The following LSR variants were observed in gnomAD, a reference collection of about 807,000 sequenced individuals.
The protein encoded by LSR is lipolysis-stimulated lipoprotein receptor.
In LSR, 44 loss-of-function variants were observed where a neutral mutation model predicts 61.8. The ratio of observed to expected loss-of-function variants is 0.71; its 90% CI spans 0.56 to 0.91. The LOEUF is 0.91. Among genes scored for constraint, LSR ranks in the 40% least tolerant of loss-of-function variants. The pLI is 0.00. For missense variants in LSR, 911 were observed against 830.5 expected, an observed-to-expected ratio of 1.10 and a Z score of -1.19; for synonymous variants, 397 against 350.6, an observed-to-expected ratio of 1.13 and a Z score of -1.48.
In LSR at chr19:35,266,571, G is replaced by C. The variant is rs773975196; in HGVS notation, c.952+39G>C. On this transcript the variant is annotated intron_variant, in intron 6 of 9. Coordinates refer to ENST00000605618, the MANE Select transcript of LSR (RefSeq NM_205834.4). ...AAGCAGGAACAGCTGGTGGGAGTGTGCTGGGCATCTGGACACTGAGGGGCA... is the reference window on the plus strand; with the variant it reads ...AAGCAGGAACAGCTGGTGGGAGTGTCCTGGGCATCTGGACACTGAGGGGCA... The C allele has an allele frequency of 6.9e-6, 11 of 1,600,676 alleles. No homozygotes were observed. In the African/African-American group the frequency reaches 1.5e-4, roughly 21 times the overall value.
intron 4 of LSR, 74 bp from the exon 5 acceptor site, chr19:35,262,472 C>A: frequency 6.5e-7 from 1 of 1,544,024 alleles, no homozygotes; most frequent in Non-Finnish European, 8.9e-7. Flanking sequence ...GGCTCCGCAC[C>A]ATGTACCCCT....
In LSR at chr19:35,261,991, G is replaced by C. The variant is rs908059689; in HGVS notation, c.631+10G>C. On this transcript the variant is annotated intron_variant, in intron 4 of 9. Transcript: ENST00000605618. ...GCGGGGCCCATAGAAGGTACGGGGG[G>C]TGGATCCTGAGTTGGGCTTCTCGGG... The C allele has an allele frequency of 6.6e-7, 1 of 1,519,258 alleles. No individual in the cohort carries two copies. The highest frequency in any genetic ancestry group is 8.7e-7 in the Non-Finnish European group (1 of 1,144,868). 94.1% of individuals were successfully genotyped at this position (1,519,258 alleles called of 1,614,324 possible). A position where few individuals can be genotyped will look rare whatever the true frequency, so the allele number is the denominator to read the frequency against.
chr19:35,250,511 T>C lies in LSR; in HGVS notation c.306T>C (p.Asn102=). The C allele has an allele frequency of 6.2e-7, 1 of 1,614,130 alleles. No individual in the cohort carries two copies. Among genetic ancestry groups the C allele is most frequent in the Non-Finnish European group, 8.5e-7 (1 of 1,180,026 alleles). The stretch of plus-strand genomic sequence containing the variant: ...CGGCCAGCGTCGACAACCAGCTCAA[T>C]GCCCAGCTGGCAGCCGGGAACCCAG... ...FSPASVDNQL[N]AQLAAGNPGY... is the part of the protein sequence containing the mutation. The change falls in exon 2 of 10, where the codon AAT becomes AAC. Residue 102 remains asparagine (N), a synonymous_variant. Transcript: ENST00000605618.
At position 35,267,380 on chromosome 19, in the gene LSR, C is replaced by G; in HGVS notation, c.1416C>G (p.Ser472Arg). 1 of 1,434,418 alleles carries G rather than the reference C, an allele frequency of 7.0e-7. No homozygotes were observed. Among genetic ancestry groups the G allele is most frequent in the South Asian group, 1.2e-5 (1 of 84,036 alleles). 88.9% of individuals were successfully genotyped at this position (1,434,418 alleles called of 1,614,324 possible). Residue 472 changes from serine to arginine, a missense_variant, in exon 9 of 10, where the codon AGC (serine) becomes AGG (arginine). By Grantham distance (110) the Ser-to-Arg change is moderately radical. Coordinates refer to ENST00000605618, the MANE Select transcript of LSR (RefSeq NM_205834.4). ...SRSPTSNGGR[S>R]RAYMPPRSRS... The stretch of plus-strand genomic sequence containing the variant: ...CTCCCACGAGTAATGGTGGGAGAAG[C>G]CGGGCCTACATGCCCCCGCGGAGCC...
At chr19:35,250,757 A>G in intron 2 of LSR, 98 bp downstream of exon 2, 1 of 836,370 alleles carries the variant, frequency 1.2e-6, no homozygotes, top group South Asian at 2.2e-5. Context: ...AAAGCTCTTG[A>G]GTGCCAGTGT....
chr19:35,254,573 C>T (rs999018552), intron 2 of LSR, among the ~76,000 whole-genome samples: 1 of 152,144 alleles, frequency 6.6e-6, no homozygotes, highest in African/African-American at 2.4e-5. Flanking sequence ...TCCAAGTGCC[C>T]CCACCTCCAG....
chr19:35,264,392 G>T (rs1181257440), intron 5 of LSR: 2 of 152,188 alleles, frequency 1.3e-5, no homozygotes, highest in East Asian at 3.9e-4. Context: ...GAATGTTTGT[G>T]AATATCCCAA....
chr19:35,266,652 C>T lies in LSR; in HGVS notation c.953-27C>T, dbSNP rs369473108. 21 of 1,601,494 alleles carry T rather than the reference C, an allele frequency of 1.3e-5. 1 individual carries two copies. Among genetic ancestry groups the T allele is most frequent in the Admixed American group, 8.7e-5 (5 of 57,692 alleles). On this transcript the variant is annotated intron_variant, in intron 6 of 9. Coordinates refer to ENST00000605618, the MANE Select transcript of LSR (RefSeq NM_205834.4). ...GAGGAGGGGCTCTGCTCCTGGTGCG[C>T]GGCCACTGACAGCCACTCTCCCCCA...
At chr19:35,252,118 G>A (rs140430872) in intron 2 of LSR, among the ~76,000 whole-genome samples, 12,836 of 151,760 alleles carry the variant, frequency 0.085, 747 homozygotes, top group South Asian at 0.22. Context: ...ACAGGCGTGA[G>A]CCACCGCGCC....
chr19:35,259,208 T>A (rs1039423935), intron 3 of LSR, 144 bp downstream of exon 3: 55 of 1,057,396 alleles, frequency 5.2e-5, no homozygotes, highest in Non-Finnish European at 7.2e-5. Context: ...GCTCTGCCAG[T>A]CACTTAGGCT....
chr19:35,258,818 A>G lies in LSR; in HGVS notation c.455-127A>G, dbSNP rs1330467025. 6.8e-6 allele frequency: 8 copies of G among 1,173,274 alleles called. No individual in the cohort carries two copies. The East Asian group carries it at 1.4e-4, about 21-fold the overall frequency. 72.7% of individuals were successfully genotyped at this position (1,173,274 alleles called of 1,614,324 possible). A position where few individuals can be genotyped will look rare whatever the true frequency, so the allele number is the denominator to read the frequency against. On this transcript the variant is annotated intron_variant, in intron 2 of 9. Transcript: ENST00000605618. ...GTAGGAATCTTTGCATATGCATTTG[A>G]TCATCTGCAGCCTGCCCAGCCCACT...
intron 2 of LSR, among the ~76,000 whole-genome samples, chr19:35,257,933 G>T (rs921247197): frequency 6.6e-6 from 1 of 152,138 alleles, no homozygotes; most frequent in Non-Finnish European, 1.5e-5. Flanking sequence ...TGGAAGGGGA[G>T]GGGGAGGAAC....
Position 35,266,869 on chromosome 19 carries a change from A to G in LSR, c.1046A>G (p.Gln349Arg). 6.2e-7 allele frequency: 1 copy of G among 1,612,022 alleles called. No individual in the cohort carries two copies. The highest frequency in any genetic ancestry group is 8.5e-7 in the Non-Finnish European group (1 of 1,179,122). The change falls in exon 8 of 10, where the codon CAG becomes CGG. Residue 349 changes from glutamine to arginine, a missense_variant. Transcript: ENST00000605618. ...VRSGYRIQAS[Q>R]QDDSMRVLYY... ...AGTGGCTACAGGATTCAGGCCAGCC[A>G]GCAGGACGACTCCATGCGGGTCCTG...
intron 3 of LSR, 128 bp downstream of exon 3, chr19:35,259,192 C>T: frequency 8.0e-7 from 1 of 1,247,724 alleles, no homozygotes; most frequent in Non-Finnish European, 1.1e-6. Flanking sequence ...CTCTGCTCTC[C>T]CCCAGGCTCT....
At chr19:35,254,879 A>G (rs1027443471) in intron 2 of LSR, among the ~76,000 whole-genome samples, 1 of 152,220 alleles carries the variant, frequency 6.6e-6, no homozygotes, top group Non-Finnish European at 1.5e-5. Flanking sequence ...TGAAAATGTC[A>G]GACAGGTCAA....
intron 2 of LSR, among the ~76,000 whole-genome samples, chr19:35,256,681 CA>C (rs2065860227): frequency 6.6e-6 from 1 of 150,446 alleles, no homozygotes; most frequent in South Asian, 2.1e-4. Context: ...AGGTGGTACT[CA>C]GTAATTATTG....
At chr19:35,250,683 T>A in intron 2 of LSR, 24 bp downstream of exon 2, 1 of 1,515,090 alleles carries the variant, frequency 6.6e-7, no homozygotes, top group Non-Finnish European at 8.9e-7. Context: ...GGCAGGGGGA[T>A]GAGGCTGGGC....
At chr19:35,249,283 GGAGT>G in intron 1 of LSR, 152 bp downstream of exon 1, 1 of 935,004 alleles carries the variant, frequency 1.1e-6, no homozygotes, top group Non-Finnish European at 1.5e-6. Context: ...GTTGCGCGCG[GGAGT>G]GAGAGGAATT....
chr19:35,267,375 A>AG lies in LSR; in HGVS notation c.1412dup (p.Ser472LysfsTer17). ...CAGGTCTCCCACGAGTAATGGTGGG[A>AG]GAAGCCGGGCCTACATGCCCCCGCG... On this transcript the variant is annotated frameshift_variant, in exon 9 of 10. Transcript: ENST00000605618. LOFTEE classifies it high-confidence loss of function. 2 of 1,595,322 alleles carry AG rather than the reference A, an allele frequency of 1.3e-6. No individual in the cohort carries two copies. Among genetic ancestry groups the AG allele is most frequent in the Non-Finnish European group, 1.7e-6 (2 of 1,171,778 alleles).
Sources: allele counts gnomAD v4.1 joint callset (sites outside exome capture counted in the v4.1 genomes callset), GRCh38; gene constraint gnomAD v4.1.1; transcripts MANE v1.5; gene names NCBI Gene and HGNC (gene_info 2026-07-23, HGNC 2026-07-21).